The following MYRIP variants were observed in gnomAD, a reference collection of about 807,000 sequenced individuals.
MYRIP encodes the protein myosin VIIA and Rab interacting protein, also known as rab effector MyRIP.
Under a neutral mutation model 98.0 loss-of-function variants are expected in MYRIP, and 49 were observed. The ratio of observed to expected loss-of-function variants is 0.50; its 90% CI spans 0.40 to 0.63. The LOEUF (loss-of-function observed/expected upper bound fraction) is 0.63. Ranked by LOEUF, MYRIP falls within the 30% of genes least tolerant of loss-of-function variation. The pLI is 0.00. For missense variants in MYRIP, 1,004 were observed against 1,058.2 expected (o/e 0.95, Z 0.71); for synonymous variants, 404 against 409.5 (o/e 0.99, Z 0.16).
chr3:40,183,186 C>T (rs1033364231), intron 9 of MYRIP, among the ~76,000 whole-genome samples: 1 of 152,220 alleles, frequency 6.6e-6, no homozygotes, highest in African/African-American at 2.4e-5. Context: ...GGTCACGTGG[C>T]CCCACCTCAA....
intron 8 of MYRIP, among the ~76,000 whole-genome samples, chr3:40,175,748 A>G (rs920891834): frequency 2.6e-5 from 4 of 152,254 alleles, no homozygotes; most frequent in African/African-American, 7.2e-5. Flanking sequence ...ATGCCCTGTG[A>G]TGAAAAAGCC....
At chr3:39,983,407 A>G (rs1160056043) in intron 2 of MYRIP, among the ~76,000 whole-genome samples, 1 of 152,238 alleles carries the variant, frequency 6.6e-6, no homozygotes, top group Admixed American at 6.5e-5. Flanking sequence ...TAAAACTTGA[A>G]TAATATGAGT....
At chr3:40,114,720 T>A (rs1407538782) in intron 3 of MYRIP, among the ~76,000 whole-genome samples, 1 of 152,226 alleles carries the variant, frequency 6.6e-6, no homozygotes, top group African/African-American at 2.4e-5. Flanking sequence ...TTAGCCAGTA[T>A]CAAGAGCTTT....
rs779165544 is a variant in MYRIP, at chr3:40,258,158, A to G, written c.2572A>G (p.Met858Val). ...GGAGCCTGCTCTGGAGTCAGCTGTG[A>G]TGTACTGACACCATGGAATTCCACT... ...LMEPALESAV[M>V]Y Residue 858 changes from methionine to valine, a missense_variant, in exon 17 of 17, where the codon ATG becomes GTG. Physicochemically the swap from Met to Val is conservative, Grantham distance 21. This residue lies in a region of MYRIP where 108 missense variants were observed against 111.1 expected (regional missense o/e 0.97). Transcript: ENST00000302541. 6.2e-7 allele frequency: 1 copy of G among 1,613,862 alleles called. No homozygotes were observed. Among genetic ancestry groups the G allele is most frequent in the Non-Finnish European group, 8.5e-7 (1 of 1,179,742 alleles).
intron 1 of MYRIP, among the ~76,000 whole-genome samples, chr3:39,830,825 TAAAAAAGA>T (rs1186354079): frequency 1.3e-5 from 2 of 151,950 alleles, no homozygotes; most frequent in East Asian, 3.9e-4. Context: ...CTTTCCTGTA[TAAAAAAGA>T]AAAAAAACTG....
intron 4 of MYRIP, among the ~76,000 whole-genome samples, chr3:40,155,631 C>G (rs1418462132): frequency 1.3e-5 from 2 of 150,342 alleles, no homozygotes; most frequent in Non-Finnish European, 3.0e-5. Context: ...GTTCCTATTT[C>G]TCCACATCCT....
chr3:39,859,648 T>C (rs1165999843), intron 1 of MYRIP, among the ~76,000 whole-genome samples: 1 of 152,198 alleles, frequency 6.6e-6, no homozygotes, highest in Non-Finnish European at 1.5e-5. Context: ...TAACAGCAAT[T>C]AGAAGTATCA....
rs772665894 is a variant in MYRIP, at chr3:40,190,176, G to A, written c.1378G>A (p.Ala460Thr). 5.1e-5 allele frequency: 82 copies of A among 1,614,000 alleles called. No individual in the cohort carries two copies. The Admixed American group carries it at 9.0e-4, about 18-fold the overall frequency. ...GTGCTCTGACTCGGAGACCTCCTCC[G>A]CAGGCTCTTCCCGAGAAGTTGGGCA... ...AMCSDSETSS[A>T]GSSREVGHQA... Residue 460 changes from alanine (A) to threonine (T), a missense_variant, in exon 10 of 17, where the codon GCA becomes ACA. This residue lies in a region of MYRIP where 880 missense variants were observed against 907.7 expected (regional missense o/e 0.97). Transcript: ENST00000302541.
chr3:39,873,048 T>C (rs1311147429), intron 1 of MYRIP, among the ~76,000 whole-genome samples: 1 of 152,234 alleles, frequency 6.6e-6, no homozygotes, highest in Non-Finnish European at 1.5e-5. Flanking sequence ...TGTGAGATGA[T>C]ATCTCATTGT....
At chr3:39,995,367 G>A (rs1946317503) in intron 2 of MYRIP, among the ~76,000 whole-genome samples, 1 of 152,164 alleles carries the variant, frequency 6.6e-6, no homozygotes, top group Non-Finnish European at 1.5e-5. Flanking sequence ...TGAAAACCAT[G>A]GCACGATAAC....
At chr3:40,042,623 ATAG>A (rs770867603) in intron 2 of MYRIP, among the ~76,000 whole-genome samples, 10 of 152,192 alleles carry the variant, frequency 6.6e-5, no homozygotes, top group Admixed American at 2.0e-4. Flanking sequence ...AAAAATAAAA[ATAG>A]TAGTAAAGAT....
intron 2 of MYRIP, among the ~76,000 whole-genome samples, chr3:39,959,476 G>C (rs1330421859): frequency 6.6e-6 from 1 of 151,962 alleles, no homozygotes; most frequent in Non-Finnish European, 1.5e-5. Context: ...TGAACAATGA[G>C]AACACTTGGA....
intron 4 of MYRIP, among the ~76,000 whole-genome samples, chr3:40,158,287 T>C (rs1950291704): frequency 6.6e-6 from 1 of 152,236 alleles, no homozygotes; most frequent in South Asian, 2.1e-4. Flanking sequence ...TTGTTCAGTT[T>C]CCATGTAGTT....
intron 3 of MYRIP, among the ~76,000 whole-genome samples, chr3:40,064,044 T>G (rs1948077394): frequency 6.6e-6 from 1 of 152,030 alleles, no homozygotes; most frequent in African/African-American, 2.4e-5. Context: ...GGGGCAGACT[T>G]GAAAGCCTGG....
intron 1 of MYRIP, among the ~76,000 whole-genome samples, chr3:39,825,014 C>A (rs1294375645): frequency 1.3e-5 from 2 of 152,178 alleles, no homozygotes; most frequent in Non-Finnish European, 2.9e-5. Flanking sequence ...CCACTGTGCC[C>A]AGCCAGTGCT....
At chr3:40,239,739 C>G (rs1306106460) in intron 12 of MYRIP, among the ~76,000 whole-genome samples, 1 of 146,316 alleles carries the variant, frequency 6.8e-6, no homozygotes, top group African/African-American at 2.6e-5. Flanking sequence ...CCTTTGCCCA[C>G]TTTTTGATGG....
intron 3 of MYRIP, among the ~76,000 whole-genome samples, chr3:40,095,033 G>A (rs1032722911): frequency 6.6e-6 from 1 of 152,138 alleles, no homozygotes; most frequent in African/African-American, 2.4e-5. Flanking sequence ...TAATTGCTGT[G>A]GCTGGGGAGA....
chr3:40,020,641 A>G (rs894046336), intron 2 of MYRIP, among the ~76,000 whole-genome samples: 1 of 152,232 alleles, frequency 6.6e-6, no homozygotes, highest in Non-Finnish European at 1.5e-5. Flanking sequence ...ACGTATGGGT[A>G]CAGAATATCA....
At chr3:39,856,031 A>G (rs1018878532) in intron 1 of MYRIP, among the ~76,000 whole-genome samples, 3 of 152,050 alleles carry the variant, frequency 2.0e-5, no homozygotes, top group African/African-American at 7.2e-5. Context: ...CTACTATTAT[A>G]TTTTGTGCAA....
Sources: allele counts gnomAD v4.1 joint callset (sites outside exome capture counted in the v4.1 genomes callset), GRCh38; gene constraint gnomAD v4.1.1; regional missense constraint gnomAD v4.1.1; transcripts MANE v1.5; gene names NCBI Gene and HGNC (gene_info 2026-07-23, HGNC 2026-07-21).